APPBP2: variants seen among roughly 807,000 people sequenced by gnomAD.
APPBP2 encodes amyloid protein-binding protein 2.
APPBP2 carries 15 observed loss-of-function variants against 76.0 expected under a neutral mutation model. The observed-to-expected ratio is 0.20, with a 90% confidence interval of 0.13 to 0.30. APPBP2 has a LOEUF of 0.30. APPBP2 is among the 10% of genes least tolerant of loss of function. The pLI, the probability that APPBP2 is intolerant of heterozygous loss-of-function variation, is 1.00. For missense variants in APPBP2, 401 were observed against 687.2 expected, an observed-to-expected ratio of 0.58 and a Z score of 4.66; for synonymous variants, 222 against 242.2, an observed-to-expected ratio of 0.92 and a Z score of 0.77.
intron 12 of APPBP2, among the ~76,000 whole-genome samples, chr17:60,449,620 A>G (rs566160582): frequency 1.1e-4 from 16 of 152,168 alleles, no homozygotes; most frequent in African/African-American, 3.9e-4. Flanking sequence ...ACCAAAAAAA[A>G]GTCTTTTGAA....
intron 11 of APPBP2, among the ~76,000 whole-genome samples, chr17:60,453,982 C>T (rs1158274507): frequency 6.6e-6 from 1 of 152,188 alleles, no homozygotes. Context: ...ACTCATCCTC[C>T]TGCCTTAGTC....
intron 1 of APPBP2, among the ~76,000 whole-genome samples, chr17:60,513,991 C>T (rs1241401855): frequency 7.0e-6 from 1 of 143,096 alleles, no homozygotes; most frequent in Non-Finnish European, 1.5e-5. Flanking sequence ...CATATTTTCC[C>T]CACATTAAAA....
chr17:60,515,305 G>A (rs931110357), intron 1 of APPBP2, among the ~76,000 whole-genome samples: 6 of 151,454 alleles, frequency 4.0e-5, no homozygotes, highest in Admixed American at 6.6e-5. Flanking sequence ...TAGTAGAGAC[G>A]GGGTTTCACC....
At chr17:60,452,108 A>G (rs946091593) in intron 11 of APPBP2, 63 bp from the exon 12 acceptor site, 43 of 1,518,922 alleles carry the variant, frequency 2.8e-5, no homozygotes, top group Non-Finnish European at 3.6e-5. Context: ...TTCTTACTCA[A>G]TGAGCAAAAC....
chr17:60,503,472 A>C (rs1241027791), intron 1 of APPBP2, among the ~76,000 whole-genome samples: 1 of 144,236 alleles, frequency 6.9e-6, no homozygotes, highest in Non-Finnish European at 1.5e-5. Context: ...TGCAACCTCC[A>C]CCTCTCAGGT....
intron 1 of APPBP2, among the ~76,000 whole-genome samples, chr17:60,508,304 G>A (rs2090885602): frequency 6.6e-6 from 1 of 152,118 alleles, no homozygotes; most frequent in African/African-American, 2.4e-5. Context: ...GGAATTGCTA[G>A]TAACACTTCT....
At chr17:60,476,820 C>A (rs902624544) in intron 4 of APPBP2, among the ~76,000 whole-genome samples, 3 of 152,118 alleles carry the variant, frequency 2.0e-5, no homozygotes, top group Non-Finnish European at 4.4e-5. Flanking sequence ...CTCAAGCAAT[C>A]CTCAAATCTT....
chr17:60,455,466 T>C (rs1224741578), intron 10 of APPBP2, among the ~76,000 whole-genome samples: 1 of 152,150 alleles, frequency 6.6e-6, no homozygotes, highest in Non-Finnish European at 1.5e-5. Context: ...TGCACGGAAA[T>C]AACACATAGG....
At chr17:60,485,370 C>T (rs1200734278) in intron 3 of APPBP2, among the ~76,000 whole-genome samples, 1 of 152,144 alleles carries the variant, frequency 6.6e-6, no homozygotes, top group African/African-American at 2.4e-5. Flanking sequence ...ATTATTGCCT[C>T]AATTCCGGAG....
chr17:60,467,188 C>T (rs561179225), intron 4 of APPBP2, among the ~76,000 whole-genome samples: 2 of 152,056 alleles, frequency 1.3e-5, no homozygotes, highest in African/African-American at 4.8e-5. Context: ...CTAGCTAGAA[C>T]ATTATGTTCA....
intron 3 of APPBP2, among the ~76,000 whole-genome samples, chr17:60,491,508 G>A (rs907602899): frequency 2.0e-5 from 3 of 152,004 alleles, no homozygotes; most frequent in Non-Finnish European, 2.9e-5. Flanking sequence ...ACAGTGAGGC[G>A]ATTTCAACTC....
intron 1 of APPBP2, among the ~76,000 whole-genome samples, chr17:60,503,978 A>G (rs2090844379): frequency 6.6e-6 from 1 of 152,170 alleles, no homozygotes; most frequent in African/African-American, 2.4e-5. Flanking sequence ...GAAATTTTTA[A>G]AAGTATTAAA....
chr17:60,503,720 T>C (rs1050662242), intron 1 of APPBP2, among the ~76,000 whole-genome samples: 1 of 146,914 alleles, frequency 6.8e-6, no homozygotes, highest in Non-Finnish European at 1.5e-5. Context: ...AAAGGGGTTT[T>C]TGGATACCAA....
chr17:60,485,039 C>T lies in APPBP2; in HGVS notation c.380-5768G>A, dbSNP rs554982244. On this transcript the variant is annotated intron_variant, in intron 3 of 12. Coordinates refer to ENST00000083182, the MANE Select transcript of APPBP2 (RefSeq NM_006380.5). ...ATTTGCATATGTTGAACCAGCCTTG[C>T]ATCCCAGGGATGAAGCCAACTTGAT... Among the ~76,000 whole-genome samples, 4 of 152,252 alleles carry T rather than the reference C, an allele frequency of 2.6e-5. No homozygotes were observed. In the South Asian group the frequency reaches 6.2e-4, roughly 24 times the overall value.
chr17:60,472,893 C>T (rs765248773), intron 4 of APPBP2, among the ~76,000 whole-genome samples: 5 of 152,142 alleles, frequency 3.3e-5, no homozygotes, highest in African/African-American at 4.8e-5. Flanking sequence ...AGGTTTATGA[C>T]ATTTTTGTGA....
At chr17:60,519,788 T>C (rs918438490) in intron 1 of APPBP2, among the ~76,000 whole-genome samples, 2 of 143,866 alleles carry the variant, frequency 1.4e-5, no homozygotes, top group African/African-American at 5.6e-5. Context: ...ATTTTTTTTT[T>C]TTTTTTTTTT....
intron 12 of APPBP2, among the ~76,000 whole-genome samples, chr17:60,449,290 A>AG (rs201093491): frequency 1.1e-4 from 16 of 148,492 alleles, no homozygotes; most frequent in Admixed American, 4.6e-4. Context: ...AGTATAGCAG[A>AG]GGGAAAAAAA....
In APPBP2 at chr17:60,456,339, T is replaced by G; in HGVS notation, c.1104A>C (p.Leu368=). 6.2e-7 allele frequency: 1 copy of G among 1,611,394 alleles called. No homozygotes were observed. Among genetic ancestry groups the G allele is most frequent in the South Asian group, 1.1e-5 (1 of 91,036 alleles). ...ERAIGIITHI[L]PEDHLLLASS... is the part of the protein sequence containing the mutation. Reference sequence around the variant, plus strand: ...AAGCCAAAAGAAGATGATCTTCAGGTAGGATGTGGGTAATGATACCAATAG... The same window carrying G: ...AAGCCAAAAGAAGATGATCTTCAGGGAGGATGTGGGTAATGATACCAATAG... The change falls in exon 10 of 13, where the codon CTA becomes CTC. Residue 368 remains leucine, a synonymous_variant. Transcript: ENST00000083182.
chr17:60,496,797 T>C (rs2090779245), intron 2 of APPBP2, among the ~76,000 whole-genome samples: 1 of 152,180 alleles, frequency 6.6e-6, no homozygotes, highest in African/African-American at 2.4e-5. Flanking sequence ...GTTGGCTCAC[T>C]GCAACCTCCG....
Sources: allele counts gnomAD v4.1 joint callset (sites outside exome capture counted in the v4.1 genomes callset), GRCh38; gene constraint gnomAD v4.1.1; transcripts MANE v1.5; gene names NCBI Gene and HGNC (gene_info 2026-07-23, HGNC 2026-07-21).